ABCC2: variants seen among roughly 807,000 people sequenced by gnomAD.
The protein encoded by ABCC2 is ATP-binding cassette sub-family C member 2.
In ABCC2, 157 loss-of-function variants were observed where a neutral mutation model predicts 173.4. The ratio of observed to expected loss-of-function variants is 0.91; its 90% CI spans 0.80 to 1.03. The LOEUF (loss-of-function observed/expected upper bound fraction) is 1.03. Ranked by LOEUF, ABCC2 falls within the 50% of genes least tolerant of loss-of-function variation. ABCC2 has a pLI of 0.00. For synonymous variants in ABCC2, 657 were observed against 693.5 expected, an observed-to-expected ratio of 0.95 and a Z score of 0.83; for missense variants, 1,822 against 1,852.3, an observed-to-expected ratio of 0.98 and a Z score of 0.30.
At chr10:99,817,538 G>T in intron 17 of ABCC2, 54 bp downstream of exon 17, 1 of 1,594,170 alleles carries the variant, frequency 6.3e-7, no homozygotes, top group South Asian at 1.1e-5. Context: ...AAGAGAAAAA[G>T]TGAGGATGGT....
chr10:99,835,992 C>G (rs935873561), intron 24 of ABCC2, 99 bp from the exon 25 acceptor site: 4 of 1,190,482 alleles, frequency 3.4e-6, no homozygotes, highest in Non-Finnish European at 5.0e-6. Flanking sequence ...TAAGCTGTGC[C>G]CATCAAGGGG....
In ABCC2 at chr10:99,832,027, G is replaced by A. The variant is rs1159392272; in HGVS notation, c.3154G>A (p.Ala1052Thr). 2.5e-6 allele frequency: 4 copies of A among 1,614,220 alleles called. No individual in the cohort carries two copies. The highest frequency in any genetic ancestry group is 3.4e-6 in the Non-Finnish European group (4 of 1,180,030). ...HFWSAFGFVH[A>T]SNILHKQLLN... ...CTGGAGTGCCTTTGGTTTCGTCCAT[G>A]CATCAAATATCTTGCACAAGCAACT... is the stretch of plus-strand genomic sequence containing the variant. The change falls in exon 23 of 32, where the codon GCA becomes ACA. Residue 1052 changes from alanine to threonine, a missense_variant. Ala to Thr is a moderately conservative substitution (Grantham distance 58). Coordinates refer to ENST00000647814, the MANE Select transcript of ABCC2 (RefSeq NM_000392.5).
At chr10:99,818,654 G>T (rs1205593612) in intron 17 of ABCC2, 136 bp from the exon 18 acceptor site, 3 of 824,202 alleles carry the variant, frequency 3.6e-6, no homozygotes, top group Non-Finnish European at 5.8e-6. Context: ...TTCTTTATTT[G>T]TATAAAGGAA....
chr10:99,836,881 T>G (rs1258649374), intron 25 of ABCC2, among the ~76,000 whole-genome samples: 1 of 152,176 alleles, frequency 6.6e-6, no homozygotes, highest in African/African-American at 2.4e-5. Context: ...AAGAGGAAGA[T>G]CTTTTTCAGG....
Position 99,845,782 on chromosome 10 carries a change from G to A in ABCC2, c.4146G>A (p.Gln1382=). The change falls in exon 29 of 32, where the codon CAG becomes CAA. Residue 1382 remains glutamine (Q), a splice_region_variant and synonymous_variant. Transcript: ENST00000647814. ...DLREKLTIIP[Q]DPILFSGSLR... Reference sequence around the variant, plus strand: ...GAGAGAAGCTGACCATCATCCCCCAGGTGAGCTCTAGAACTTACTCGGGCA... The same window carrying A: ...GAGAGAAGCTGACCATCATCCCCCAAGTGAGCTCTAGAACTTACTCGGGCA... The A allele has an allele frequency of 6.2e-7, 1 of 1,610,226 alleles. No individual in the cohort carries two copies. Among genetic ancestry groups the A allele is most frequent in the South Asian group, 1.1e-5 (1 of 90,164 alleles).
intron 11 of ABCC2, among the ~76,000 whole-genome samples, 195 bp downstream of exon 11, chr10:99,805,642 C>A (rs1276812191): frequency 1.3e-5 from 2 of 152,086 alleles, no homozygotes; most frequent in African/African-American, 4.8e-5. Context: ...CCCTAAATAG[C>A]TTGTTTTGTT....
In ABCC2 at chr10:99,844,953, C is replaced by T. The variant is rs569563806; in HGVS notation, c.3987+488C>T. Reference sequence around the variant, plus strand: ...CGCTGAGGTCCAGATCAGAGTCTGGCTCTCAGCTGGTGGCAGACCTAATCT... The same window carrying T: ...CGCTGAGGTCCAGATCAGAGTCTGGTTCTCAGCTGGTGGCAGACCTAATCT... On this transcript the variant is annotated intron_variant, in intron 28 of 31. Transcript: ENST00000647814. Among the ~76,000 whole-genome samples the T allele has an allele frequency of 4.1e-4, 63 of 152,332 alleles. 2 individuals are homozygous for T. Among genetic ancestry groups the T allele is most frequent in the African/African-American group, 1.5e-3 (63 of 41,582 alleles).
At position 99,824,135 on chromosome 10, in the gene ABCC2, T is replaced by G. The variant is rs2038586825; in HGVS notation, c.2620+4866T>G. The stretch of plus-strand genomic sequence containing the variant: ...CTTTTGTTGCCTCTGGGGTTAACAT[T>G]CTTTTACTATTTACGTCTGAGTCTC... On this transcript the variant is annotated intron_variant, in intron 19 of 31. Coordinates refer to ENST00000647814, the MANE Select transcript of ABCC2 (RefSeq NM_000392.5). Among the ~76,000 whole-genome samples the G allele has an allele frequency of 2.6e-5, 4 of 152,188 alleles. No homozygotes were observed. In the South Asian group the frequency reaches 8.3e-4, roughly 31 times the overall value.
In ABCC2 at chr10:99,842,963, G is replaced by A. The variant is rs367554342; in HGVS notation, c.3742-836G>A. ...AGCTACTGGGGAGGCTGAGGCAGGA[G>A]AATCACTTGAACCCAGGAGGCAGAG... On this transcript the variant is annotated intron_variant, in intron 26 of 31. Transcript: ENST00000647814. Among the ~76,000 whole-genome samples the A allele has an allele frequency of 1.4e-3, 219 of 151,488 alleles. 1 individual carries two copies. The highest frequency in any genetic ancestry group is 4.9e-3 in the African/African-American group (204 of 41,256).
intron 30 of ABCC2, 98 bp downstream of exon 30, chr10:99,847,225 T>G (rs1434697047): frequency 7.3e-7 from 1 of 1,368,988 alleles, no homozygotes; most frequent in Non-Finnish European, 1.0e-6. Flanking sequence ...GCATAGAATT[T>G]TCATCCAGGT....
At chr10:99,850,892 C>A in intron 31 of ABCC2, 96 bp downstream of exon 31, 1 of 1,403,156 alleles carries the variant, frequency 7.1e-7, no homozygotes. Context: ...GAAGGTTTAA[C>A]CACCACCACA....
chr10:99,794,131 C>G, intron 5 of ABCC2, 132 bp downstream of exon 5: 2 of 816,734 alleles, frequency 2.4e-6, no homozygotes, highest in Non-Finnish European at 3.8e-6. Context: ...CATTTTATGA[C>G]AAGGAAACAG....
At chr10:99,793,735 C>T (rs778901176) in intron 4 of ABCC2, 50 bp downstream of exon 4, 7 of 1,611,944 alleles carry the variant, frequency 4.3e-6, no homozygotes, top group Non-Finnish European at 5.9e-6. Context: ...GGGGCAACCT[C>T]TAACTCATAG....
At chr10:99,816,945 C>T (rs779176070) in intron 16 of ABCC2, among the ~76,000 whole-genome samples, 2 of 152,128 alleles carry the variant, frequency 1.3e-5, no homozygotes, top group African/African-American at 2.4e-5. Context: ...AGTTGAGGAC[C>T]GCTGATCTAT....
At position 99,801,645 on chromosome 10, in the gene ABCC2, T is replaced by G. The variant is rs184988619; in HGVS notation, c.1209+1082T>G. Among the ~76,000 whole-genome samples, 3 of 152,326 alleles carry G rather than the reference T, an allele frequency of 2.0e-5. No homozygotes were observed. In the East Asian group the frequency reaches 5.8e-4, roughly 29 times the overall value. On this transcript the variant is annotated intron_variant, in intron 9 of 31. Transcript: ENST00000647814. ...TCCTTAAGAAATGAAAATACAGTAG[T>G]TATGATCAGTGACTACAGGCTTGAG...
chr10:99,798,895 G>A (rs2037965086), intron 7 of ABCC2, among the ~76,000 whole-genome samples: 1 of 152,160 alleles, frequency 6.6e-6, no homozygotes. Context: ...GGACCTCTCA[G>A]CATCATGCCC....
At chr10:99,788,539 A>G (rs2037759782) in intron 2 of ABCC2, 1 of 152,416 alleles carries the variant, frequency 6.6e-6, no homozygotes, top group South Asian at 2.1e-4. Flanking sequence ...CCAGACTAAA[A>G]TCGAGTTAAT....
Position 99,799,320 on chromosome 10 carries a change from A to G in ABCC2, c.981A>G (p.Leu327=). Residue 327 remains leucine, a synonymous_variant, in exon 8 of 32, where the codon CTA becomes CTG. Transcript: ENST00000647814. ...ACATGGTGCTCCTGAAATCATTCCT[A>G]CTGAAGCTAGTGAATGACATCTTCA... is the stretch of plus-strand genomic sequence containing the variant. ...TFYMVLLKSF[L]LKLVNDIFTF... 1.2e-6 allele frequency: 2 copies of G among 1,614,140 alleles called. No individual in the cohort carries two copies. The highest frequency in any genetic ancestry group is 2.2e-5 in the South Asian group (2 of 91,084).
chr10:99,784,871 T>C, intron 2 of ABCC2, 90 bp downstream of exon 2: 1 of 1,510,922 alleles, frequency 6.6e-7, no homozygotes, highest in Non-Finnish European at 9.1e-7. Context: ...TCCTTGTCTT[T>C]AAGCAGCTGT....
Sources: gnomAD v4.1 joint callset for allele counts (sites outside exome capture counted in the v4.1 genomes callset) on GRCh38, gnomAD v4.1.1 for gene constraint, MANE v1.5 for transcripts, NCBI Gene and HGNC (gene_info 2026-07-23, HGNC 2026-07-21) for gene names.